Variants in ARHGEF10L observed in about 807,000 individuals in gnomAD.
ARHGEF10L encodes the protein rho guanine nucleotide exchange factor 10-like protein.
In ARHGEF10L, 69 loss-of-function variants were observed where a neutral mutation model predicts 141.2. That is an observed-to-expected ratio of 0.49 (90% CI 0.40 to 0.60). The LOEUF (loss-of-function observed/expected upper bound fraction) is 0.60. Ranked by LOEUF, ARHGEF10L falls within the 20% of genes least tolerant of loss-of-function variation. ARHGEF10L has a pLI of 0.00. For missense variants in ARHGEF10L, 1,482 were observed against 1,734.3 expected, an observed-to-expected ratio of 0.85 and a Z score of 2.58; for synonymous variants, 711 against 718.5, an observed-to-expected ratio of 0.99 and a Z score of 0.17.
chr1:17,533,937 AT>A, the ARHGEF10L span, among the ~76,000 whole-genome samples: 1 of 151,536 alleles, frequency 6.6e-6, no homozygotes, highest in Non-Finnish European at 1.5e-5. Flanking sequence ...GGAAGTCCAC[AT>A]TCCCATCCAC....
intron 21 of ARHGEF10L, among the ~76,000 whole-genome samples, chr1:17,642,177 T>C (rs965744297): frequency 6.6e-6 from 1 of 151,894 alleles, no homozygotes; most frequent in African/African-American, 2.4e-5. Flanking sequence ...GGGGAGCAAA[T>C]CTGCAAGCAG....
intron 26 of ARHGEF10L, among the ~76,000 whole-genome samples, chr1:17,682,479 G>T (rs532981455): frequency 1.3e-5 from 2 of 152,278 alleles, no homozygotes; most frequent in African/African-American, 2.4e-5. Context: ...GGGACCAGGG[G>T]TGTACAGTTG....
At position 17,619,053 on chromosome 1, in the gene ARHGEF10L, G is replaced by A. The variant is rs1364486639; in HGVS notation, c.836-286G>A. Among the ~76,000 whole-genome samples the A allele has an allele frequency of 6.6e-6, 1 of 152,092 alleles. No individual in the cohort carries two copies. The highest frequency in any genetic ancestry group is 1.5e-5 in the Non-Finnish European group (1 of 68,016). Reference sequence around the variant, plus strand: ...GACAGTGGCTTCTGGCAGCATGGACGCCGAGAACCCAGGCCCCACAGGACG... The same window carrying A: ...GACAGTGGCTTCTGGCAGCATGGACACCGAGAACCCAGGCCCCACAGGACG... On this transcript the variant is annotated intron_variant, in intron 9 of 28. Coordinates refer to ENST00000361221, the MANE Select transcript of ARHGEF10L (RefSeq NM_018125.4). This position sits in a 1 kb window ranked among gnomAD's most constrained non-coding sequence, Gnocchi z 5.0.
intron 1 of ARHGEF10L, among the ~76,000 whole-genome samples, chr1:17,575,705 G>A (rs537955634): frequency 3.3e-5 from 5 of 152,222 alleles, no homozygotes; most frequent in Non-Finnish European, 5.9e-5. Context: ...GTGTGTTTGC[G>A]GAGTGTCTCT....
intron 1 of ARHGEF10L, among the ~76,000 whole-genome samples, chr1:17,571,475 G>T (rs553865540): frequency 6.6e-6 from 1 of 152,256 alleles, no homozygotes; most frequent in South Asian, 2.1e-4. Context: ...GAGAAATGGG[G>T]TAGTGGGTGG....
At chr1:17,523,773 A>C in the ARHGEF10L span, among the ~76,000 whole-genome samples, 5 of 152,286 alleles carry the variant, frequency 3.3e-5, no homozygotes, top group African/African-American at 1.2e-4. Context: ...GACATTAAAC[A>C]AGCCACTCAA....
chr1:17,625,986 ACCCTCT>A lies in ARHGEF10L; in HGVS notation c.1349_1354del (p.Thr450_Tyr452delinsAsn). 6.2e-7 allele frequency: 1 copy of A among 1,613,822 alleles called. No individual in the cohort carries two copies. The highest frequency in any genetic ancestry group is 8.5e-7 in the Non-Finnish European group (1 of 1,179,840). ...GCAGGTGTGCAGCCCAGACCGTGTC[ACCCTCT>A]ACGGGCTGATGGTCAAGCCCATCCA... is the stretch of plus-strand genomic sequence containing the variant. On this transcript the variant is annotated inframe_deletion, in exon 14 of 29. Coordinates refer to ENST00000361221, the MANE Select transcript of ARHGEF10L (RefSeq NM_018125.4). The surrounding 1 kb of genome is among the most constrained non-coding windows in gnomAD (Gnocchi z 4.5).
Position 17,632,374 on chromosome 1 carries a change from C to T in ARHGEF10L, c.1638C>T (p.Thr546=), listed in dbSNP as rs759993435. The change falls in exon 16 of 29, where the codon ACC becomes ACT. Residue 546 remains threonine (T), a synonymous_variant. Coordinates refer to ENST00000361221, the MANE Select transcript of ARHGEF10L (RefSeq NM_018125.4). The stretch of plus-strand genomic sequence containing the variant: ...TCCTGTGTGAGACGTTGACGGAGAC[C>T]GTGTACGGTGACCGCGGGCAGCTAA... The part of the protein sequence containing the change: ...QLLLCETLTE[T]VYGDRGQLIK... 92 of 1,614,066 alleles carry T rather than the reference C, an allele frequency of 5.7e-5. No homozygotes were observed. Among genetic ancestry groups the T allele is most frequent in the Non-Finnish European group, 6.7e-5 (79 of 1,180,050 alleles).
intron 16 of ARHGEF10L, among the ~76,000 whole-genome samples, chr1:17,633,153 C>A (rs1458536787): frequency 6.6e-6 from 1 of 152,140 alleles, no homozygotes; most frequent in Non-Finnish European, 1.5e-5. Context: ...CCTGAGGCCA[C>A]GTGGGCCTGG....
chr1:17,684,454 G>A (rs549595233), intron 26 of ARHGEF10L, among the ~76,000 whole-genome samples: 22 of 152,242 alleles, frequency 1.4e-4, no homozygotes, highest in South Asian at 1.2e-3. Context: ...GTGAGGAGGC[G>A]TGGCCTCCTC....
intron 22 of ARHGEF10L, 84 bp downstream of exon 22, chr1:17,648,759 C>T (rs1202811473): frequency 1.2e-5 from 18 of 1,538,488 alleles, no homozygotes; most frequent in South Asian, 2.4e-5. Flanking sequence ...TTCCAGGGAG[C>T]GCCCACAGCA....
intron 1 of ARHGEF10L, among the ~76,000 whole-genome samples, chr1:17,544,629 A>T (rs976341520): frequency 4.0e-5 from 6 of 151,686 alleles, no homozygotes; most frequent in East Asian, 1.9e-4. Context: ...TAAATACTCA[A>T]TTTTTTTCCT....
intron 3 of ARHGEF10L, 127 bp downstream of exon 3, chr1:17,587,772 C>T: frequency 1.8e-6 from 2 of 1,088,528 alleles, no homozygotes; most frequent in Non-Finnish European, 1.3e-6. Flanking sequence ...AAGGGAAAAG[C>T]CAGTGGGAAG....
upstream of ARHGEF10L, among the ~76,000 whole-genome samples, chr1:17,539,573 G>A (rs2076640036): frequency 6.6e-6 from 1 of 151,854 alleles, no homozygotes; most frequent in South Asian, 2.1e-4. This position sits in a 1 kb window ranked among gnomAD's most constrained non-coding sequence, Gnocchi z 6.0. Context: ...GTCGGGGGAG[G>A]CCACGTCTCC....
At chr1:17,616,235 C>T in intron 9 of ARHGEF10L, 33 bp downstream of exon 9, 1 of 1,554,612 alleles carries the variant, frequency 6.4e-7, no homozygotes, top group South Asian at 1.1e-5. Flanking sequence ...GGGTCTGGTG[C>T]CCAGCTCTGA....
intron 26 of ARHGEF10L, among the ~76,000 whole-genome samples, chr1:17,671,184 C>G (rs2063299300): frequency 6.6e-6 from 1 of 152,236 alleles, no homozygotes; most frequent in Non-Finnish European, 1.5e-5. Context: ...ACGGCGGAGC[C>G]GCCTGTGCAG....
chr1:17,647,179 T>G (rs1571233413), intron 21 of ARHGEF10L, among the ~76,000 whole-genome samples: 2 of 152,214 alleles, frequency 1.3e-5, no homozygotes, highest in South Asian at 2.1e-4. Flanking sequence ...GGCTGCCTGG[T>G]TTAGTCCAGA....
intron 8 of ARHGEF10L, among the ~76,000 whole-genome samples, chr1:17,614,506 T>C (rs1446323617): frequency 6.6e-6 from 1 of 152,170 alleles, no homozygotes; most frequent in East Asian, 1.9e-4. Context: ...AAGACCACTT[T>C]GGGGGCTCGC....
intron 25 of ARHGEF10L, among the ~76,000 whole-genome samples, chr1:17,660,898 C>T (rs969888298): frequency 3.9e-5 from 6 of 152,194 alleles, no homozygotes; most frequent in African/African-American, 1.4e-4. Flanking sequence ...GCAGGGGCGG[C>T]TCTCACCAGA....
Sources: gnomAD v4.1 joint callset for allele counts (sites outside exome capture counted in the v4.1 genomes callset) on GRCh38, gnomAD v4.1.1 for gene constraint, Gnocchi (gnomAD v3.1) non-coding constraint, MANE v1.5 for transcripts, NCBI Gene and HGNC (gene_info 2026-07-23, HGNC 2026-07-21) for gene names.